The following APH1B variants were observed in gnomAD, a reference collection of about 807,000 sequenced individuals.
APH1B encodes aph-1B gamma-secretase subunit, also known as gamma-secretase subunit APH-1B.
Under a neutral mutation model 28.2 loss-of-function variants are expected in APH1B, and 27 were observed. That is an observed-to-expected ratio of 0.96 (90% CI 0.70 to 1.32). The LOEUF (loss-of-function observed/expected upper bound fraction) is 1.32, where lower values mean the gene tolerates loss of function less well. APH1B is among the 40% of genes most tolerant of loss of function. The probability of loss-of-function intolerance (pLI) is 0.00; values close to 1 mark genes in which losing one functional copy is unlikely to be tolerated. For synonymous variants in APH1B, 141 were observed against 124.6 expected, an observed-to-expected ratio of 1.13 and a Z score of -0.88; for missense variants, 305 against 313.6, an observed-to-expected ratio of 0.97 and a Z score of 0.21.
chr15:63,304,102 A>G lies in APH1B; in HGVS notation c.607-1512A>G, dbSNP rs1305462558. On this transcript the variant is annotated intron_variant, in intron 5 of 5. Transcript: ENST00000261879. The surrounding 1 kb of genome is among the most constrained non-coding windows in gnomAD (Gnocchi z 5.1). ...GTCCTGCTGGCTATGTCATGGTATC[A>G]TAAATACATAAATTGATAAATTATA... is the stretch of plus-strand genomic sequence containing the variant. Among the ~76,000 whole-genome samples, 1 of 152,222 alleles carries G rather than the reference A, an allele frequency of 6.6e-6. No homozygotes were observed. The highest frequency in any genetic ancestry group is 1.9e-4 in the East Asian group (1 of 5,202).
At position 63,304,645 on chromosome 15, in the gene APH1B, C is replaced by T. The variant is rs117792021; in HGVS notation, c.607-969C>T. Among the ~76,000 whole-genome samples, 380 of 152,182 alleles carry T rather than the reference C, an allele frequency of 2.5e-3. 1 individual carries two copies. Among genetic ancestry groups the T allele is most frequent in the Non-Finnish European group, 4.3e-3 (290 of 68,000 alleles). On this transcript the variant is annotated intron_variant, in intron 5 of 5. Transcript: ENST00000261879. The surrounding 1 kb of genome is among the most constrained non-coding windows in gnomAD (Gnocchi z 5.1). Reference sequence around the variant, plus strand: ...TTTTGAGCTTTTTAATAAATATTAACCTAGCTGAATTTTAAGTTTTAAAAT... The same window carrying T: ...TTTTGAGCTTTTTAATAAATATTAATCTAGCTGAATTTTAAGTTTTAAAAT...
rs181594884 is a variant in APH1B at position 63,302,555 on chromosome 15, T to C, written c.606+83T>C. ...ATGGTAAATTCTACTCTAGATGAAA[T>C]ACACGCTCATGAGAACATGAGGAAA... On this transcript the variant is annotated intron_variant, in intron 5 of 5. Transcript: ENST00000261879. 5.2e-4 allele frequency: 773 copies of C among 1,489,828 alleles called. 3 individuals carry two copies. In the African/African-American group the frequency reaches 0.01, roughly 20 times the overall value. 92.3% of individuals were successfully genotyped at this position (1,489,828 alleles called of 1,614,324 possible).
At chr15:63,303,301 A>G (rs1449824562) in intron 5 of APH1B, among the ~76,000 whole-genome samples, 1 of 151,948 alleles carries the variant, frequency 6.6e-6, no homozygotes, top group Admixed American at 6.6e-5. Context: ...GCTGGCTTCA[A>G]CACCACAGCT....
At chr15:63,303,402 A>C (rs1026383129) in intron 5 of APH1B, among the ~76,000 whole-genome samples, 6 of 152,264 alleles carry the variant, frequency 3.9e-5, no homozygotes, top group African/African-American at 1.4e-4. Context: ...TGTGGGATTC[A>C]TCTTCACATC....
chr15:63,302,524 T>C (rs1323699496), intron 5 of APH1B, 52 bp downstream of exon 5: 2 of 1,571,800 alleles, frequency 1.3e-6, no homozygotes, highest in Non-Finnish European at 8.6e-7. Flanking sequence ...AGTCTATGTA[T>C]CTAAAATGGT....
intron 5 of APH1B, among the ~76,000 whole-genome samples, chr15:63,303,610 C>T (rs1438326326): frequency 6.6e-6 from 1 of 152,162 alleles, no homozygotes; most frequent in East Asian, 1.9e-4. Context: ...ATTCTCCCAC[C>T]ACACCCTTCC....
intron 4 of APH1B, among the ~76,000 whole-genome samples, chr15:63,297,400 A>G (rs950695405): frequency 6.6e-6 from 1 of 152,096 alleles, no homozygotes; most frequent in Non-Finnish European, 1.5e-5. Context: ...CTGGTGGTGC[A>G]CACCTGTAGT....
At chr15:63,294,882 C>G (rs2038547387) in intron 4 of APH1B, among the ~76,000 whole-genome samples, 1 of 152,236 alleles carries the variant, frequency 6.6e-6, no homozygotes, top group Non-Finnish European at 1.5e-5. Context: ...TTAAATACTG[C>G]TGACTTCTTA....
intron 4 of APH1B, among the ~76,000 whole-genome samples, chr15:63,295,062 C>T (rs1161456861): frequency 6.6e-6 from 1 of 152,206 alleles, no homozygotes; most frequent in East Asian, 1.9e-4. Flanking sequence ...CAACTGTAAA[C>T]CTTACCTGCA....
intron 2 of APH1B, among the ~76,000 whole-genome samples, chr15:63,284,155 T>C (rs2038420261): frequency 6.6e-6 from 1 of 152,206 alleles, no homozygotes; most frequent in African/African-American, 2.4e-5. Context: ...TTATAAAAAC[T>C]ATTAACAGTT....
intron 5 of APH1B, 94 bp downstream of exon 5, chr15:63,302,566 GAGAA>G: frequency 6.9e-7 from 1 of 1,448,034 alleles, no homozygotes; most frequent in Non-Finnish European, 9.1e-7. Context: ...ACACGCTCAT[GAGAA>G]CATGAGGAAA....
At chr15:63,280,534 A>G (rs534676376) in intron 2 of APH1B, among the ~76,000 whole-genome samples, 3 of 152,172 alleles carry the variant, frequency 2.0e-5, no homozygotes, top group African/African-American at 7.2e-5. Flanking sequence ...GGTTTTCTGT[A>G]TTTGTTACTC....
At chr15:63,301,600 CTT>C (rs911176475) in intron 4 of APH1B, among the ~76,000 whole-genome samples, 12 of 145,006 alleles carry the variant, frequency 8.3e-5, no homozygotes, top group Admixed American at 2.1e-4. Flanking sequence ...TCTTCTTCTT[CTT>C]TTTTTTTTTT....
chr15:63,299,863 G>T (rs934891321), intron 4 of APH1B, among the ~76,000 whole-genome samples: 2 of 151,834 alleles, frequency 1.3e-5, no homozygotes, highest in Non-Finnish European at 2.9e-5. Context: ...GCCAGAAAAC[G>T]GAGAAGGTGA....
chr15:63,287,622 A>G (rs927263115), intron 4 of APH1B, 76 bp downstream of exon 4: 2 of 1,514,066 alleles, frequency 1.3e-6, no homozygotes, highest in Admixed American at 3.9e-5. Flanking sequence ...CTGGCTTAGG[A>G]ATTTCAGTGG....
chr15:63,299,264 A>G (rs2038599287), intron 4 of APH1B, among the ~76,000 whole-genome samples: 1 of 152,196 alleles, frequency 6.6e-6, no homozygotes, highest in Admixed American at 6.5e-5. Flanking sequence ...AAGAAGGACC[A>G]AGAAATATGG....
rs774039250 is a variant in APH1B at position 63,279,293 on chromosome 15, C to G, written c.246C>G (p.Ile82Met). 2.5e-6 allele frequency: 4 copies of G among 1,610,012 alleles called. No individual in the cohort carries two copies. In the African/African-American group the frequency reaches 5.3e-5, roughly 22 times the overall value. ...LIFGAFVSVY[I>M]QEMFRFAYYK... ...TTGGAGCGTTTGTCTCTGTCTATAT[C>G]CAAGAAATGTTCCGATTTGCATATT... Residue 82 changes from isoleucine to methionine, a missense_variant, in exon 2 of 6, where the codon ATC becomes ATG. Physicochemically the swap from Ile to Met is conservative, Grantham distance 10. Transcript: ENST00000261879.
chr15:63,280,004 G>A (rs939752368), intron 2 of APH1B, among the ~76,000 whole-genome samples: 1 of 151,958 alleles, frequency 6.6e-6, no homozygotes, highest in African/African-American at 2.4e-5. Flanking sequence ...CACCATGTTC[G>A]CCAGGCTGGT....
intron 2 of APH1B, among the ~76,000 whole-genome samples, chr15:63,282,713 G>A (rs2038401755): frequency 6.6e-6 from 1 of 151,898 alleles, no homozygotes; most frequent in Admixed American, 6.6e-5. Flanking sequence ...ATTCAATTTT[G>A]TCTTAAAAGG....
Sources: allele counts gnomAD v4.1 joint callset (sites outside exome capture counted in the v4.1 genomes callset), GRCh38; gene constraint gnomAD v4.1.1; non-coding constraint Gnocchi (gnomAD v3.1); transcripts MANE v1.5; gene names NCBI Gene and HGNC (gene_info 2026-07-23, HGNC 2026-07-21).